The following PI4KA variants were observed in gnomAD, a reference collection of about 807,000 sequenced individuals.
The protein encoded by PI4KA is PI4-kinase alpha.
Under a neutral mutation model 271.4 loss-of-function variants are expected in PI4KA, and 122 were observed. The observed-to-expected ratio is 0.45, with a 90% confidence interval of 0.39 to 0.52. The LOEUF (loss-of-function observed/expected upper bound fraction) is 0.52. Ranked by LOEUF, PI4KA falls within the 20% of genes least tolerant of loss-of-function variation. PI4KA has a pLI of 0.00. For synonymous variants in PI4KA, 1,041 were observed against 1,078.8 expected (o/e 0.96, Z 0.69); for missense variants, 1,969 against 2,769.1 (o/e 0.71, Z 6.48).
At chr22:20,796,006 C>T in intron 18 of PI4KA, 140 bp downstream of exon 18, 1 of 780,416 alleles carries the variant, frequency 1.3e-6, no homozygotes, top group Non-Finnish European at 2.0e-6. Context: ...AACCCCACCC[C>T]TTCTTACTTG....
Position 20,765,114 on chromosome 22 carries a change from C to A in PI4KA, c.2560G>T (p.Asp854Tyr). 1 of 1,613,138 alleles carries A rather than the reference C, an allele frequency of 6.2e-7. No individual in the cohort carries two copies. Among genetic ancestry groups the A allele is most frequent in the South Asian group, 1.1e-5 (1 of 90,888 alleles). ...TGAATCCTTACGGGGGTGACCGTGT[C>A]ATTCTTCATGGCTGAGTTATACTGG... Reference protein sequence around the residue: ...VLQYNSAMKNDTVTPAELSEL... With the variant: ...VLQYNSAMKNYTVTPAELSEL... Residue 854 changes from aspartate to tyrosine, a missense_variant, in exon 21 of 55, where the codon GAC becomes TAC. Asp to Tyr is a radical substitution (Grantham distance 160). Coordinates refer to ENST00000255882, the MANE Select transcript of PI4KA (RefSeq NM_058004.4).
intron 1 of PI4KA, among the ~76,000 whole-genome samples, chr22:20,852,383 G>A (rs565217777): frequency 1.3e-5 from 2 of 152,318 alleles, no homozygotes; most frequent in East Asian, 3.9e-4. Flanking sequence ...CGTGAAGGCA[G>A]AGGGAGAAAG....
Position 20,819,820 on chromosome 22 carries a change from G to C in PI4KA, c.610C>G (p.Leu204Val), listed in dbSNP as rs1601566356. ...ATTTTGGGAAAGAGCTTTGAGAGGAGAGACTCTTCCATGTTGCTGTAACGC... is the reference window on the plus strand; with the variant it reads ...ATTTTGGGAAAGAGCTTTGAGAGGACAGACTCTTCCATGTTGCTGTAACGC... ...FGRYSNMEESLLSKLFPKIPP... is the reference protein window; with the variant it reads ...FGRYSNMEESVLSKLFPKIPP... The change falls in exon 6 of 55, where the codon CTC (leucine) becomes GTC (valine). Residue 204 changes from leucine (L) to valine (V), a missense_variant. Around this residue, in one of 13 missense-constraint regions of PI4KA, gnomAD observed 540 missense variants for 555.5 expected, o/e 0.97. Transcript: ENST00000255882. 2 of 1,614,086 alleles carry C rather than the reference G, an allele frequency of 1.2e-6. No homozygotes were observed. Among genetic ancestry groups the C allele is most frequent in the Non-Finnish European group, 1.7e-6 (2 of 1,179,882 alleles).
chr22:20,811,380 C>T (rs1483268370), intron 8 of PI4KA, among the ~76,000 whole-genome samples: 1 of 152,172 alleles, frequency 6.6e-6, no homozygotes, highest in Non-Finnish European at 1.5e-5. Context: ...AGTTGTGTGA[C>T]ATCCTCTTGC....
At chr22:20,843,434 A>AGC (rs1925846558) in intron 1 of PI4KA, among the ~76,000 whole-genome samples, 1 of 113,752 alleles carries the variant, frequency 8.8e-6, no homozygotes, top group Non-Finnish European at 1.8e-5. Flanking sequence ...CTAGCAGGTT[A>AGC]AGGCTGCAGT....
intron 23 of PI4KA, among the ~76,000 whole-genome samples, chr22:20,756,726 G>A (rs965328105): frequency 4.6e-5 from 7 of 152,010 alleles, no homozygotes; most frequent in Non-Finnish European, 8.8e-5. Flanking sequence ...TGCCTCCCAG[G>A]TTCAAGTGAT....
intron 23 of PI4KA, among the ~76,000 whole-genome samples, chr22:20,755,348 TG>T (rs1297276322): frequency 1.3e-5 from 2 of 152,186 alleles, no homozygotes; most frequent in African/African-American, 4.8e-5. Context: ...TACTTTCTGG[TG>T]TAACAAGGTG....
intron 23 of PI4KA, 42 bp downstream of exon 23, chr22:20,761,262 A>G: frequency 8.6e-7 from 1 of 1,163,514 alleles, no homozygotes; most frequent in Non-Finnish European, 1.3e-6. Flanking sequence ...TTACCCTATT[A>G]AAGCTCAATT....
intron 3 of PI4KA, among the ~76,000 whole-genome samples, chr22:20,827,229 ATAAGGTG>A (rs2147730205): frequency 6.6e-6 from 1 of 152,238 alleles, no homozygotes; most frequent in South Asian, 2.1e-4. Context: ...TGATTTTTGT[ATAAGGTG>A]TAAGTAAGGG....
intron 14 of PI4KA, 124 bp from the exon 15 acceptor site, chr22:20,799,890 A>G (rs570719141): frequency 3.3e-6 from 2 of 611,162 alleles, no homozygotes; most frequent in East Asian, 2.9e-5. Context: ...CTTCCCCCCA[A>G]ATTGGAGGTC....
In PI4KA at chr22:20,708,079, T is replaced by G; in HGVS notation, c.6277A>C (p.Ile2093Leu). Reference sequence around the variant, plus strand: ...GGGATGTCATTCTGATAGTACTGGATCATGTCGTAGGTCCGGCTCCTGAAA... The same window carrying G: ...GGGATGTCATTCTGATAGTACTGGAGCATGTCGTAGGTCCGGCTCCTGAAA... ...LSNRSRTYDM[I>L]QYYQNDIPY is the part of the protein sequence containing the mutation. The change falls in exon 55 of 55, where the codon ATC becomes CTC. Residue 2093 changes from isoleucine (I) to leucine (L), a missense_variant. Ile to Leu is a conservative substitution (Grantham distance 5, BLOSUM62 2). Transcript: ENST00000255882. The G allele has an allele frequency of 6.2e-7, 1 of 1,613,504 alleles. No individual in the cohort carries two copies. The highest frequency in any genetic ancestry group is 2.2e-5 in the East Asian group (1 of 44,858).
intron 20 of PI4KA, among the ~76,000 whole-genome samples, 167 bp downstream of exon 20, chr22:20,765,418 C>T (rs886086182): frequency 8.5e-5 from 13 of 152,150 alleles, no homozygotes; most frequent in Admixed American, 5.2e-4. Context: ...ATTCTCAGCA[C>T]CCTAAACTAC....
chr22:20,837,905 G>A (rs1925061127), intron 2 of PI4KA, among the ~76,000 whole-genome samples: 1 of 152,046 alleles, frequency 6.6e-6, no homozygotes. Flanking sequence ...GATTACCTGA[G>A]GTCAGGAGTT....
intron 3 of PI4KA, among the ~76,000 whole-genome samples, chr22:20,824,732 TCA>T (rs361914): frequency 0.075 from 10,171 of 136,046 alleles, 340 homozygotes; most frequent in South Asian, 0.11. Flanking sequence ...ATGTGATAAA[TCA>T]CACACACACA....
At chr22:20,727,734 T>G in intron 40 of PI4KA, 40 bp downstream of exon 40, 1 of 1,472,194 alleles carries the variant, frequency 6.8e-7, no homozygotes, top group Non-Finnish European at 9.5e-7. Context: ...TGCTATTTTG[T>G]GCAGTTTGAA....
chr22:20,758,459 CTTT>C (rs35401829), intron 23 of PI4KA, among the ~76,000 whole-genome samples: 1 of 85,032 alleles, frequency 1.2e-5, no homozygotes, highest in Non-Finnish European at 2.2e-5. Flanking sequence ...TCTTTCTTTT[CTTT>C]TTTTTTTTTT....
At chr22:20,815,299 T>C (rs1323465237) in intron 7 of PI4KA, among the ~76,000 whole-genome samples, 1 of 144,984 alleles carries the variant, frequency 6.9e-6, no homozygotes, top group Non-Finnish European at 1.5e-5. Context: ...GAAAACTGCT[T>C]AAGCCCGGGA....
chr22:20,836,033 CAGAG>C (rs897707720), intron 2 of PI4KA, among the ~76,000 whole-genome samples: 2 of 150,066 alleles, frequency 1.3e-5, no homozygotes, highest in African/African-American at 2.5e-5. Context: ...GCCTGGGCGA[CAGAG>C]AGAGACTCCA....
rs361933 is a variant in PI4KA, at chr22:20,846,835, C to CAAA, written c.157-8107_157-8105dup. On this transcript the variant is annotated intron_variant, in intron 1 of 54. Transcript: ENST00000255882. ...TCCAGCATGGGCAATAGTGCAGGCT[C>CAAA]AAAAAAAAAAAAAAAAAAAAAAGGG... Among the ~76,000 whole-genome samples the CAAA allele has an allele frequency of 7.6e-4, 47 of 61,654 alleles. 1 individual carries two copies. The highest frequency in any genetic ancestry group is 9.3e-4 in the Non-Finnish European group (33 of 35,608). The allele number at this position is 61,654 out of a possible 152,430, so 40.4% of individuals were successfully genotyped here.
Sources: gnomAD v4.1 joint callset for allele counts (sites outside exome capture counted in the v4.1 genomes callset) on GRCh38, gnomAD v4.1.1 for gene constraint, gnomAD v4.1.1 regional missense constraint, MANE v1.5 for transcripts, NCBI Gene and HGNC (gene_info 2026-07-23, HGNC 2026-07-21) for gene names.